The following CNTN5 variants were observed in gnomAD, a reference collection of about 807,000 sequenced individuals.
CNTN5 encodes the protein contactin 5, also known as contactin-5.
In CNTN5, 77 loss-of-function variants were observed where a neutral mutation model predicts 129.1. That is an observed-to-expected ratio of 0.60 (90% CI 0.50 to 0.72). The LOEUF (loss-of-function observed/expected upper bound fraction) is 0.72, where lower values mean the gene tolerates loss of function less well. Ranked by LOEUF, CNTN5 falls within the 30% of genes least tolerant of loss-of-function variation. The probability of loss-of-function intolerance (pLI) is 0.00; values close to 1 mark genes in which losing one functional copy is unlikely to be tolerated. For synonymous variants in CNTN5, 509 were observed against 465.6 expected, an observed-to-expected ratio of 1.09 and a Z score of -1.20; for missense variants, 1,478 against 1,328.8, an observed-to-expected ratio of 1.11 and a Z score of -1.75.
intron 2 of CNTN5, among the ~76,000 whole-genome samples, chr11:99,496,978 T>C (rs2656196): frequency 1 from 152,327 of 152,362 alleles, 76,146 homozygotes; most frequent in Middle Eastern, 1. Flanking sequence ...ACACTTCCAG[T>C]GCTTCCTAGT....
chr11:99,061,809 T>C (rs776103255), intron 1 of CNTN5, among the ~76,000 whole-genome samples: 11 of 151,818 alleles, frequency 7.2e-5, no homozygotes, highest in Admixed American at 2.6e-4. Flanking sequence ...CTGGGCAACA[T>C]AGTGAGACCC....
At chr11:100,164,268 G>C (rs182241002) in intron 13 of CNTN5, among the ~76,000 whole-genome samples, 3 of 151,882 alleles carry the variant, frequency 2.0e-5, no homozygotes, top group East Asian at 3.9e-4. Context: ...AGATGACAAA[G>C]TGTATAGTTA....
chr11:99,734,470 C>T (rs1004175802), intron 3 of CNTN5, among the ~76,000 whole-genome samples: 1 of 152,134 alleles, frequency 6.6e-6, no homozygotes, highest in African/African-American at 2.4e-5. Flanking sequence ...TCAGAGGGGT[C>T]AGCAATTTCA....
chr11:99,275,666 C>G (rs1433481046), intron 1 of CNTN5, among the ~76,000 whole-genome samples: 1 of 151,642 alleles, frequency 6.6e-6, no homozygotes, highest in Non-Finnish European at 1.5e-5. Flanking sequence ...TCTCACATGA[C>G]TTGGGCTTTG....
chr11:99,321,545 G>A (rs1303679247), intron 1 of CNTN5, among the ~76,000 whole-genome samples: 1 of 152,006 alleles, frequency 6.6e-6, no homozygotes, highest in African/African-American at 2.4e-5. Flanking sequence ...AATAAGTATG[G>A]CCATCAGTTC....
At chr11:99,776,879 C>A (rs1945142494) in intron 3 of CNTN5, among the ~76,000 whole-genome samples, 1 of 151,890 alleles carries the variant, frequency 6.6e-6, no homozygotes, top group African/African-American at 2.4e-5. Flanking sequence ...CTCTTTCTAG[C>A]AACTGGTAAA....
At chr11:99,572,139 T>A (rs140388521) in intron 3 of CNTN5, among the ~76,000 whole-genome samples, 31 of 152,328 alleles carry the variant, frequency 2.0e-4, no homozygotes, top group African/African-American at 6.5e-4. Flanking sequence ...GTAAGCCATT[T>A]AGACTTATTT....
chr11:99,303,907 G>T (rs1210623409), intron 1 of CNTN5, among the ~76,000 whole-genome samples: 1 of 152,014 alleles, frequency 6.6e-6, no homozygotes, highest in Non-Finnish European at 1.5e-5. Flanking sequence ...TGTCTAATAA[G>T]CAACATATTT....
intron 6 of CNTN5, among the ~76,000 whole-genome samples, chr11:99,869,027 A>G (rs1948430963): frequency 6.6e-6 from 1 of 152,210 alleles, no homozygotes; most frequent in African/African-American, 2.4e-5. Context: ...AATCACCCCT[A>G]CAGTGTCTTC....
chr11:100,237,061 C>A (rs12361900), intron 16 of CNTN5, among the ~76,000 whole-genome samples: 1 of 151,646 alleles, frequency 6.6e-6, no homozygotes, highest in Non-Finnish European at 1.5e-5. Context: ...TGGTGGTGGG[C>A]GCCTCTAGTC....
At chr11:99,257,167 T>C (rs1256313009) in intron 1 of CNTN5, among the ~76,000 whole-genome samples, 1 of 152,144 alleles carries the variant, frequency 6.6e-6, no homozygotes, top group African/African-American at 2.4e-5. Flanking sequence ...CAAATTTATT[T>C]CCATTCTCTA....
chr11:99,949,138 T>C (rs1950616729), intron 7 of CNTN5, among the ~76,000 whole-genome samples: 1 of 152,182 alleles, frequency 6.6e-6, no homozygotes, highest in Non-Finnish European at 1.5e-5. Flanking sequence ...TCTTAGTTTT[T>C]CCTCCTGGAA....
intron 3 of CNTN5, among the ~76,000 whole-genome samples, chr11:99,557,675 A>C (rs1418494071): frequency 6.6e-6 from 1 of 151,710 alleles, no homozygotes. Flanking sequence ...TTCGTAATGT[A>C]CCAAAAGTAT....
rs1042156285 is a variant in CNTN5, at chr11:100,358,335, T to G, written c.*2115T>G. On this transcript the variant is annotated 3_prime_UTR_variant, in exon 25 of 25. Transcript: ENST00000524871. ...TTAACCAATATTTTTAATTAGCTGA[T>G]GGATGGTACGTATCTGACAGAGTAT... is the stretch of plus-strand genomic sequence containing the variant. The G allele has an allele frequency of 1.3e-5, 2 of 151,884 alleles. No homozygotes were observed. Among genetic ancestry groups the G allele is most frequent in the African/African-American group, 4.8e-5 (2 of 41,422 alleles). 9.4% of individuals were successfully genotyped at this position (151,884 alleles called of 1,614,324 possible).
At chr11:100,199,878 T>C (rs1948734532) in intron 15 of CNTN5, among the ~76,000 whole-genome samples, 1 of 151,958 alleles carries the variant, frequency 6.6e-6, no homozygotes, top group Admixed American at 6.6e-5. Flanking sequence ...ACTAAGAATG[T>C]CCATAAAACA....
At chr11:99,109,562 A>G (rs1195712609) in intron 1 of CNTN5, among the ~76,000 whole-genome samples, 1 of 152,164 alleles carries the variant, frequency 6.6e-6, no homozygotes, top group East Asian at 1.9e-4. Flanking sequence ...ATCCCATTCC[A>G]TCACTCTTGT....
At chr11:100,209,555 A>T (rs929189674) in intron 15 of CNTN5, among the ~76,000 whole-genome samples, 1 of 152,198 alleles carries the variant, frequency 6.6e-6, no homozygotes. Flanking sequence ...TAACAGGGAA[A>T]CATTAATTTC....
At chr11:99,421,722 T>C (rs1942896682) in intron 2 of CNTN5, among the ~76,000 whole-genome samples, 1 of 152,162 alleles carries the variant, frequency 6.6e-6, no homozygotes, top group Admixed American at 6.5e-5. Context: ...ATTTTCTTAG[T>C]CCAGTTAAGT....
intron 2 of CNTN5, among the ~76,000 whole-genome samples, chr11:99,451,950 C>A (rs751391936): frequency 7.9e-5 from 12 of 152,052 alleles, no homozygotes; most frequent in Non-Finnish European, 1.6e-4. Flanking sequence ...TCCTTCTAAC[C>A]ATTACATTTA....
Sources: allele counts gnomAD v4.1 joint callset (sites outside exome capture counted in the v4.1 genomes callset), GRCh38; gene constraint gnomAD v4.1.1; transcripts MANE v1.5; gene names NCBI Gene and HGNC (gene_info 2026-07-23, HGNC 2026-07-21).